Variants in WDR18 observed in about 807,000 individuals in gnomAD.
The protein encoded by WDR18 is WD repeat-containing protein 18.
Under a neutral mutation model 49.6 loss-of-function variants are expected in WDR18, and 33 were observed. The observed-to-expected ratio is 0.67, with a 90% CI of 0.50 to 0.89. WDR18 has a LOEUF of 0.89. Ranked by LOEUF, WDR18 falls within the 40% of genes least tolerant of loss-of-function variation. The pLI is 0.00. For synonymous variants in WDR18, 315 were observed against 263.6 expected (o/e 1.19, Z -1.89); for missense variants, 653 against 593.6 (o/e 1.10, Z -1.04).
chr19:990,818 C>T lies in WDR18; in HGVS notation c.598-34C>T, dbSNP rs769091996. The T allele has an allele frequency of 1.4e-5, 22 of 1,563,100 alleles. No homozygotes were observed. In the East Asian group the frequency reaches 4.5e-4, roughly 32 times the overall value. On this transcript the variant is annotated intron_variant, in intron 4 of 9. Coordinates refer to ENST00000585809, the MANE Select transcript of WDR18 (RefSeq NM_024100.4). Reference sequence around the variant, plus strand: ...CATGGGGTCCTCGGGTTCCCCCTGCCGGGCCGAGCCCCACGCCCTTTGCCC... The same window carrying T: ...CATGGGGTCCTCGGGTTCCCCCTGCTGGGCCGAGCCCCACGCCCTTTGCCC...
chr19:990,153 G>A, intron 3 of WDR18, 70 bp from the exon 4 acceptor site: 5 of 1,496,184 alleles, frequency 3.3e-6, no homozygotes, highest in Non-Finnish European at 4.5e-6. Context: ...CGTGAGGTGG[G>A]TGCTGGAGGC....
Position 991,280 on chromosome 19 carries a change from G to C in WDR18, c.860G>C (p.Gly287Ala). The change falls in exon 7 of 10, where the codon GGC (glycine) becomes GCC (alanine). Residue 287 changes from glycine (G) to alanine (A), a missense_variant. Physicochemically the swap from Gly to Ala is moderately conservative, Grantham distance 60. Transcript: ENST00000585809. ...ACTGACGGCAGCGTGCTGCTCTCAG[G>C]CTCCCACGACGAGACCGTGCGCCTC... is the stretch of plus-strand genomic sequence containing the variant. The part of the protein sequence containing the change: ...VSTDGSVLLS[G>A]SHDETVRLWD... The C allele has an allele frequency of 6.4e-7, 1 of 1,568,038 alleles. No homozygotes were observed. Among genetic ancestry groups the C allele is most frequent in the Non-Finnish European group, 8.7e-7 (1 of 1,155,660 alleles).
intron 4 of WDR18, 123 bp downstream of exon 4, chr19:990,487 C>A (rs1190128548): frequency 1.5e-6 from 2 of 1,326,080 alleles, no homozygotes; most frequent in African/African-American, 1.5e-5. Flanking sequence ...GGCTTTTAAT[C>A]CCCTGGTGCT....
At chr19:991,887 G>A (rs1333166225) in intron 7 of WDR18, 68 bp from the exon 8 acceptor site, 30 of 1,411,204 alleles carry the variant, frequency 2.1e-5, no homozygotes, top group Non-Finnish European at 2.8e-5. Flanking sequence ...TGGATGGGGC[G>A]GAACTTGGCT....
chr19:987,028 G>A (rs2038482293), intron 2 of WDR18, among the ~76,000 whole-genome samples: 2 of 152,172 alleles, frequency 1.3e-5, no homozygotes, highest in Non-Finnish European at 2.9e-5. Flanking sequence ...GGGTGGGCAT[G>A]AGCATTCTCG....
At chr19:987,876 C>G (rs1222461900) in intron 2 of WDR18, among the ~76,000 whole-genome samples, 1 of 129,784 alleles carries the variant, frequency 7.7e-6, no homozygotes, top group South Asian at 2.8e-4. Flanking sequence ...GCTCTGTTGC[C>G]CGGGCTGGAG....
intron 2 of WDR18, among the ~76,000 whole-genome samples, chr19:987,988 C>G (rs1428345570): frequency 6.6e-6 from 1 of 151,914 alleles, no homozygotes; most frequent in Non-Finnish European, 1.5e-5. Flanking sequence ...CGCCACCATG[C>G]CTGGCTAATT....
chr19:990,398 C>T lies in WDR18; in HGVS notation c.597+34C>T, dbSNP rs778866981. The T allele has an allele frequency of 4.4e-5, 65 of 1,486,480 alleles. No individual in the cohort carries two copies. In the Admixed American group the frequency reaches 9.9e-4, roughly 23 times the overall value. The allele number at this position is 1,486,480 out of a possible 1,614,324, so 92.1% of individuals were successfully genotyped here. On this transcript the variant is annotated intron_variant, in intron 4 of 9. Transcript: ENST00000585809. Reference sequence around the variant, plus strand: ...CCCCCACCCCACCACGGTCCATGAGCGGAGCCCAGCAGCCGCAGGTCCTCA... The same window carrying T: ...CCCCCACCCCACCACGGTCCATGAGTGGAGCCCAGCAGCCGCAGGTCCTCA...
At chr19:986,043 C>T (rs2038471435) in intron 2 of WDR18, 68 bp downstream of exon 2, 1 of 1,487,540 alleles carries the variant, frequency 6.7e-7, no homozygotes, top group African/African-American at 1.4e-5. Context: ...GCCTGCAGGG[C>T]ACCAGGGAAC....
At chr19:993,624 C>T (rs1249914849) in intron 8 of WDR18, among the ~76,000 whole-genome samples, 1 of 152,238 alleles carries the variant, frequency 6.6e-6, no homozygotes, top group Non-Finnish European at 1.5e-5. Flanking sequence ...GCTGGGCCGG[C>T]CAGGCTCTCC....
At position 989,967 on chromosome 19, in the gene WDR18, G is replaced by A. The variant is rs534571345; in HGVS notation, c.455+72G>A. The A allele has an allele frequency of 7.9e-6, 12 of 1,527,184 alleles. No homozygotes were observed. The East Asian group carries it at 2.3e-4, about 29-fold the overall frequency. 94.6% of individuals were successfully genotyped at this position (1,527,184 alleles called of 1,614,324 possible). On this transcript the variant is annotated intron_variant, in intron 3 of 9. Coordinates refer to ENST00000585809, the MANE Select transcript of WDR18 (RefSeq NM_024100.4). ...TCAGGCGGGGAGAGGAGGCGCCAAG[G>A]CCCCTGGCGGGAAGGGGCTTCTCTC...
rs375783810 is a variant in WDR18, at chr19:989,788, C to A, written c.348C>A (p.Ile116=). 7.7e-5 allele frequency: 124 copies of A among 1,612,764 alleles called. 1 individual carries two copies. The highest frequency in any genetic ancestry group is 1.0e-4 in the Non-Finnish European group (123 of 1,179,914). Residue 116 remains isoleucine (I), a synonymous_variant, in exon 3 of 10, where the codon ATC becomes ATA. Transcript: ENST00000585809. ...TCTCCACCGGGAACCTTCTGGTCAT[C>A]CTGAGTCGACACTACCAGGACGTCT... The part of the protein sequence containing the change: ...WEVSTGNLLV[I]LSRHYQDVSC...
rs771003707 is a variant in WDR18 at position 990,941 on chromosome 19, T to TA, written c.688dup (p.Met230AsnfsTer7). The TA allele has an allele frequency of 6.2e-7, 1 of 1,612,630 alleles. No homozygotes were observed. The highest frequency in any genetic ancestry group is 1.1e-5 in the South Asian group (1 of 91,048). On this transcript the variant is annotated frameshift_variant, in exon 5 of 10. Coordinates refer to ENST00000585809, the MANE Select transcript of WDR18 (RefSeq NM_024100.4). LOFTEE classifies it high-confidence loss of function. ...TGACCATGGACCTGGCTGAGCACCA[T>TA]ATGTTCTGCGGGGGCAGTGAGGGCT...
intron 2 of WDR18, among the ~76,000 whole-genome samples, chr19:987,405 T>C (rs2038486083): frequency 6.6e-6 from 1 of 152,136 alleles, no homozygotes; most frequent in Non-Finnish European, 1.5e-5. Flanking sequence ...TATCTCACCC[T>C]CAGGACACGT....
Position 990,267 on chromosome 19 carries a change from T to A in WDR18, c.500T>A (p.Val167Asp), listed in dbSNP as rs530665937. The change falls in exon 4 of 10, where the codon GTC (valine) becomes GAC (aspartate). Residue 167 changes from valine to aspartate, a missense_variant. By Grantham distance (152) the Val-to-Asp change is radical. Transcript: ENST00000585809. ...TCCAGGATTCCGGCGCCCAGGCACG[T>A]CTGGTCTCACCACGCGCTCCCCATC... ...DPSRIPAPRH[V>D]WSHHALPITD... is the part of the protein sequence containing the mutation. The A allele has an allele frequency of 1.3e-6, 2 of 1,599,336 alleles. No individual in the cohort carries two copies. The highest frequency in any genetic ancestry group is 2.2e-5 in the South Asian group (2 of 90,918).
intron 9 of WDR18, 40 bp downstream of exon 9, chr19:994,128 G>C (rs1442380251): frequency 1.8e-5 from 28 of 1,549,194 alleles, no homozygotes; most frequent in African/African-American, 2.7e-5. Context: ...TGAGGCTGGG[G>C]TCAGTCCTGG....
At position 991,047 on chromosome 19, in the gene WDR18, G is replaced by A. The variant is rs149584653; in HGVS notation, c.742-34G>A. 31 of 1,600,428 alleles carry A rather than the reference G, an allele frequency of 1.9e-5. No homozygotes were observed. In the East Asian group the frequency reaches 6.9e-4, roughly 36 times the overall value. On this transcript the variant is annotated intron_variant, in intron 5 of 9. Coordinates refer to ENST00000585809, the MANE Select transcript of WDR18 (RefSeq NM_024100.4). ...CCCTGCCCTGGGGCTGAGGGCATCG[G>A]GCCTGCGGCTCACACACGTCTCGGC...
chr19:985,241 C>A lies in WDR18; in HGVS notation c.211-624C>A, dbSNP rs543516870. 2.0e-3 allele frequency among the ~76,000 whole-genome samples: 298 copies of A among 152,310 alleles called. 1 individual carries two copies. The highest frequency in any genetic ancestry group is 7.0e-3 in the African/African-American group (290 of 41,558). On this transcript the variant is annotated intron_variant, in intron 1 of 9. Transcript: ENST00000585809. ...AGTGCAGTGGTGCGATCTCGGCTCA[C>A]TGCAGCCTCTGCCTCTAGGGTTCAA... is the stretch of plus-strand genomic sequence containing the variant.
At chr19:992,463 A>G (rs1343651437) in intron 8 of WDR18, among the ~76,000 whole-genome samples, 2 of 152,248 alleles carry the variant, frequency 1.3e-5, no homozygotes, top group Admixed American at 1.3e-4. Flanking sequence ...GTGAGAGCCA[A>G]AAGGTTCACG....
Sources: allele counts gnomAD v4.1 joint callset (sites outside exome capture counted in the v4.1 genomes callset), GRCh38; gene constraint gnomAD v4.1.1; transcripts MANE v1.5; gene names NCBI Gene and HGNC (gene_info 2026-07-23, HGNC 2026-07-21).